The following PGM5 variants were observed in gnomAD, a reference collection of about 807,000 sequenced individuals.
The protein encoded by PGM5 is phosphoglucomutase-like protein 5.
PGM5 carries 23 observed loss-of-function variants against 59.2 expected under a neutral mutation model. The observed-to-expected ratio is 0.39, with a 90% CI of 0.28 to 0.55. The LOEUF is 0.55. Among genes scored for constraint, PGM5 ranks in the 20% least tolerant of loss-of-function variants. The pLI, the probability that PGM5 is intolerant of heterozygous loss-of-function variation, is 0.66. For synonymous variants in PGM5, 214 were observed against 286.0 expected, an observed-to-expected ratio of 0.75 and a Z score of 2.54; for missense variants, 574 against 748.3, an observed-to-expected ratio of 0.77 and a Z score of 2.72.
rs546862973 is a variant in PGM5 at position 68,417,736 on chromosome 9, C to T, written c.1043+25263C>T. On this transcript the variant is annotated intron_variant, in intron 6 of 10. Coordinates refer to ENST00000396396, the MANE Select transcript of PGM5 (RefSeq NM_021965.4). Reference sequence around the variant, plus strand: ...CAGCTATAGCCGCTGAGGCCTTACTCCTTTTCCTGCCTGTCTTGAAAGATT... The same window carrying T: ...CAGCTATAGCCGCTGAGGCCTTACTTCTTTTCCTGCCTGTCTTGAAAGATT... Among the ~76,000 whole-genome samples the T allele has an allele frequency of 6.6e-5, 10 of 152,290 alleles. No homozygotes were observed. In the South Asian group the frequency reaches 1.9e-3, roughly 28 times the overall value.
At chr9:68,500,916 A>G (rs1349805134) in intron 10 of PGM5, among the ~76,000 whole-genome samples, 5 of 151,718 alleles carry the variant, frequency 3.3e-5, no homozygotes, top group Non-Finnish European at 5.9e-5. Flanking sequence ...ACAATCCTAT[A>G]CACACAAGAG....
intron 8 of PGM5, among the ~76,000 whole-genome samples, chr9:68,482,784 T>G (rs117344615): frequency 0.03 from 4,561 of 152,360 alleles, 110 homozygotes; most frequent in Non-Finnish European, 0.046. Context: ...ATGGTGGTGA[T>G]GGCAAATAAA....
intron 7 of PGM5, chr9:68,466,221 A>G (rs1823932299): frequency 1.6e-6 from 2 of 1,269,870 alleles, no homozygotes; most frequent in South Asian, 1.4e-5. Context: ...AGCTGTGTCC[A>G]ATCTGCTGAT....
At chr9:68,489,446 G>A (rs1248509582) in intron 9 of PGM5, among the ~76,000 whole-genome samples, 1 of 141,414 alleles carries the variant, frequency 7.1e-6, no homozygotes, top group Non-Finnish European at 1.5e-5. Context: ...TGTTGTTGTT[G>A]TTTTCTTTTT....
At position 68,373,911 on chromosome 9, in the gene PGM5, G is replaced by A. The variant is rs1470783507; in HGVS notation, c.262-4288G>A. On this transcript the variant is annotated intron_variant, in intron 1 of 10. Coordinates refer to ENST00000396396, the MANE Select transcript of PGM5 (RefSeq NM_021965.4). ...ATCTGTAGAAAGAGAAATAAGCAGT[G>A]TAGAGATGATATGTTTGTTTTCTGA... Among the ~76,000 whole-genome samples the A allele has an allele frequency of 3.9e-5, 6 of 152,204 alleles. No homozygotes were observed. The East Asian group carries it at 1.2e-3, about 29-fold the overall frequency.
At chr9:68,400,286 A>T (rs577518818) in intron 6 of PGM5, among the ~76,000 whole-genome samples, 2 of 152,180 alleles carry the variant, frequency 1.3e-5, no homozygotes, top group African/African-American at 4.8e-5. Context: ...AACACGCATA[A>T]TCTCCTGATT....
chr9:68,461,337 A>C (rs1267676118), intron 6 of PGM5, among the ~76,000 whole-genome samples: 1 of 152,204 alleles, frequency 6.6e-6, no homozygotes, highest in East Asian at 1.9e-4. Context: ...GCTAGAACTC[A>C]GTCACATGGC....
At chr9:68,476,595 A>G (rs1824110086) in intron 7 of PGM5, among the ~76,000 whole-genome samples, 1 of 152,262 alleles carries the variant, frequency 6.6e-6, no homozygotes, top group Admixed American at 6.5e-5. Context: ...AAAGTACACT[A>G]TAATCATCCA....
chr9:68,435,286 C>A (rs1469141276), intron 6 of PGM5, among the ~76,000 whole-genome samples: 1 of 152,204 alleles, frequency 6.6e-6, no homozygotes, highest in Non-Finnish European at 1.5e-5. Flanking sequence ...ACACACCATA[C>A]AGTTTGCACA....
At chr9:68,482,401 C>T (rs1298451555) in intron 8 of PGM5, among the ~76,000 whole-genome samples, 9 of 151,568 alleles carry the variant, frequency 5.9e-5, no homozygotes, top group African/African-American at 2.2e-4. Context: ...CCTTTTTTTT[C>T]CCTCTGAGGC....
intron 1 of PGM5, among the ~76,000 whole-genome samples, chr9:68,376,712 A>T (rs1309827072): frequency 6.6e-6 from 1 of 152,012 alleles, no homozygotes. Flanking sequence ...AGAGGATCTT[A>T]TTAAAATACA....
chr9:68,439,692 CAT>C (rs369854214), intron 6 of PGM5, among the ~76,000 whole-genome samples: 147 of 146,116 alleles, frequency 1.0e-3, no homozygotes, highest in East Asian at 7.5e-3. Context: ...CACATGCACA[CAT>C]ATATATATAT....
intron 6 of PGM5, among the ~76,000 whole-genome samples, chr9:68,403,777 G>A (rs1822734966): frequency 6.6e-6 from 1 of 152,134 alleles, no homozygotes; most frequent in Non-Finnish European, 1.5e-5. Flanking sequence ...GGTTGGTGTG[G>A]GGGTAGGGGT....
intron 6 of PGM5, among the ~76,000 whole-genome samples, chr9:68,417,120 C>T (rs1319961464): frequency 6.6e-6 from 1 of 152,206 alleles, no homozygotes; most frequent in Non-Finnish European, 1.5e-5. Context: ...CAAACACTCT[C>T]TGAATCGGAT....
rs1206032359 is a variant in PGM5, at chr9:68,385,616, A to C, written c.571+1072A>C. Among the ~76,000 whole-genome samples the C allele has an allele frequency of 5.0e-4, 76 of 152,030 alleles. 1 individual carries two copies. The highest frequency in any genetic ancestry group is 5.9e-5 in the Non-Finnish European group (4 of 67,948). ...AATCTAGCTGGGAGAATGCATAGGC[A>C]TATGTGTGCACATGCATGGGATGGC... On this transcript the variant is annotated intron_variant, in intron 3 of 10. Transcript: ENST00000396396.
At chr9:68,481,254 G>A (rs1481729061) in intron 8 of PGM5, among the ~76,000 whole-genome samples, 1 of 152,182 alleles carries the variant, frequency 6.6e-6, no homozygotes, top group Non-Finnish European at 1.5e-5. Flanking sequence ...ACAACCTTCT[G>A]GGAGATGTAA....
chr9:68,509,173 C>T (rs953739409), intron 10 of PGM5, among the ~76,000 whole-genome samples: 1 of 152,162 alleles, frequency 6.6e-6, no homozygotes, highest in African/African-American at 2.4e-5. Context: ...AATCCCAGAA[C>T]GAGAACTCCT....
intron 6 of PGM5, among the ~76,000 whole-genome samples, chr9:68,421,491 G>C (rs1823128282): frequency 1.3e-5 from 2 of 152,086 alleles, no homozygotes; most frequent in African/African-American, 4.8e-5. Flanking sequence ...GCTGAGGGAG[G>C]CAGATCACCT....
At chr9:68,441,780 G>T (rs894452880) in intron 6 of PGM5, among the ~76,000 whole-genome samples, 4 of 151,980 alleles carry the variant, frequency 2.6e-5, no homozygotes, top group Middle Eastern at 3.2e-3. Flanking sequence ...GAATTAAAAG[G>T]CATATAGGGT....
Sources: gnomAD v4.1 joint callset for allele counts (sites outside exome capture counted in the v4.1 genomes callset) on GRCh38, gnomAD v4.1.1 for gene constraint, MANE v1.5 for transcripts, NCBI Gene and HGNC (gene_info 2026-07-23, HGNC 2026-07-21) for gene names.